ASCC1: variants seen among roughly 807,000 people sequenced by gnomAD.
ASCC1 encodes ASC-1 complex subunit P50.
A neutral mutation model predicts 46.6 loss-of-function variants in ASCC1; 35 were observed. That is an observed-to-expected ratio of 0.75 (90% CI 0.57 to 0.99). ASCC1 has a LOEUF of 0.99. Ranked by LOEUF, ASCC1 falls within the 50% of genes least tolerant of loss-of-function variation. ASCC1 has a pLI of 0.00. For synonymous variants in ASCC1, 143 were observed against 146.6 expected (o/e 0.98, Z 0.18); for missense variants, 376 against 428.7 (o/e 0.88, Z 1.09).
chr10:72,109,223 G>A (rs1299094380), intron 9 of ASCC1, among the ~76,000 whole-genome samples: 3 of 152,152 alleles, frequency 2.0e-5, no homozygotes, highest in Non-Finnish European at 4.4e-5. Flanking sequence ...TATCAACATC[G>A]TGGCCTCTAT....
In ASCC1 at chr10:72,208,639, A is replaced by T. The variant is rs576188065; in HGVS notation, c.212+2093T>A. On this transcript the variant is annotated intron_variant, in intron 3 of 9. Transcript: ENST00000672957. ...GCCAGGTGTAGTAGTGCAGGCCTGT[A>T]GTTCCAGCTACTCAGGAAGCTGATG... Among the ~76,000 whole-genome samples, 20 of 152,232 alleles carry T rather than the reference A, an allele frequency of 1.3e-4. No homozygotes were observed. In the South Asian group the frequency reaches 3.1e-3, roughly 24 times the overall value.
At chr10:72,108,710 G>A (rs1235170685) in intron 9 of ASCC1, among the ~76,000 whole-genome samples, 1 of 152,052 alleles carries the variant, frequency 6.6e-6, no homozygotes, top group Non-Finnish European at 1.5e-5. Flanking sequence ...CTTTAAACAG[G>A]GATGATCCTT....
intron 5 of ASCC1, among the ~76,000 whole-genome samples, chr10:72,166,520 A>G (rs1850367169): frequency 1.3e-5 from 2 of 151,540 alleles, no homozygotes; most frequent in African/African-American, 4.9e-5. Flanking sequence ...AACAAAACCC[A>G]CAATATCTGC....
chr10:72,112,538 C>T (rs1843027220), intron 9 of ASCC1, among the ~76,000 whole-genome samples: 1 of 151,080 alleles, frequency 6.6e-6, no homozygotes, highest in African/African-American at 2.4e-5. Context: ...CTGAATTGTA[C>T]ACTTAAAAAT....
chr10:72,151,453 G>A lies in ASCC1; in HGVS notation c.746+1416C>T, dbSNP rs113638458. Reference sequence around the variant, plus strand: ...CACACCTGGACCTGTTGTGGTGTGGGGGGCCGGGGGAGGGATAGCATTAAG... The same window carrying A: ...CACACCTGGACCTGTTGTGGTGTGGAGGGCCGGGGGAGGGATAGCATTAAG... On this transcript the variant is annotated intron_variant, in intron 7 of 9. Coordinates refer to ENST00000672957, the MANE Select transcript of ASCC1 (RefSeq NM_001198800.3). 1.0e-3 allele frequency among the ~76,000 whole-genome samples: 153 copies of A among 151,874 alleles called. 2 individuals are homozygous for A. The highest frequency in any genetic ancestry group is 3.6e-3 in the African/African-American group (147 of 41,364).
At chr10:72,194,122 G>C (rs1017988369) in intron 5 of ASCC1, among the ~76,000 whole-genome samples, 2 of 151,546 alleles carry the variant, frequency 1.3e-5, no homozygotes, top group Non-Finnish European at 2.9e-5. Context: ...CTGACCTCGT[G>C]ATCTGCCCGC....
intron 1 of ASCC1, among the ~76,000 whole-genome samples, chr10:72,215,442 G>C (rs1859029169): frequency 6.6e-6 from 1 of 152,174 alleles, no homozygotes; most frequent in South Asian, 2.1e-4. Context: ...TGCGCTTACA[G>C]AACCAAGAAG....
intron 9 of ASCC1, among the ~76,000 whole-genome samples, chr10:72,103,277 C>T (rs950544419): frequency 7.3e-5 from 11 of 151,606 alleles, no homozygotes; most frequent in South Asian, 2.1e-4. Flanking sequence ...GGACTACAGG[C>T]GCCTGCCACC....
intron 7 of ASCC1, among the ~76,000 whole-genome samples, chr10:72,138,212 C>A (rs998391224): frequency 6.6e-6 from 1 of 152,196 alleles, no homozygotes; most frequent in South Asian, 2.1e-4. Flanking sequence ...TAACCATGCA[C>A]CGCAAATTGC....
intron 1 of ASCC1, among the ~76,000 whole-genome samples, chr10:72,214,466 C>G (rs952283929): frequency 1.3e-5 from 2 of 149,658 alleles, no homozygotes; most frequent in Non-Finnish European, 3.0e-5. Context: ...ACCTCTGCCT[C>G]CCGGGTTTAA....
intron 7 of ASCC1, among the ~76,000 whole-genome samples, chr10:72,149,298 C>A (rs1453852675): frequency 6.6e-6 from 1 of 151,844 alleles, no homozygotes. Context: ...ATTAGCCAGG[C>A]GTGGTGGCGG....
intron 3 of ASCC1, among the ~76,000 whole-genome samples, chr10:72,210,319 C>T (rs975187190): frequency 3.9e-5 from 6 of 152,236 alleles, no homozygotes; most frequent in Middle Eastern, 6.8e-3. Context: ...GCCACCACAC[C>T]CGGCTAATTT....
At chr10:72,117,122 C>T (rs1174986326) in intron 9 of ASCC1, among the ~76,000 whole-genome samples, 1 of 152,122 alleles carries the variant, frequency 6.6e-6, no homozygotes, top group African/African-American at 2.4e-5. Context: ...AATTAAAAAA[C>T]AAATTTAAGC....
intron 9 of ASCC1, among the ~76,000 whole-genome samples, chr10:72,118,784 A>G (rs1239028265): frequency 6.6e-6 from 1 of 150,924 alleles, no homozygotes; most frequent in Non-Finnish European, 1.5e-5. Context: ...CGTCTCAAAA[A>G]AAAAAGAAAA....
At chr10:72,153,760 A>G (rs188865241) in intron 6 of ASCC1, among the ~76,000 whole-genome samples, 5 of 139,274 alleles carry the variant, frequency 3.6e-5, no homozygotes, top group African/African-American at 1.4e-4. Context: ...CAGTTTTGCT[A>G]GTCGCCCAGG....
In ASCC1 at chr10:72,203,543, A is replaced by C; in HGVS notation, c.213-19T>G. The C allele has an allele frequency of 6.5e-7, 1 of 1,534,512 alleles. No individual in the cohort carries two copies. Among genetic ancestry groups the C allele is most frequent in the South Asian group, 1.1e-5 (1 of 89,464 alleles). On this transcript the variant is annotated intron_variant, in intron 3 of 9. Transcript: ENST00000672957. ...TATATGCCTGTAACATAAAGTAATT[A>C]AAAGAAGATTAAGTCAAAATGTACC... is the stretch of plus-strand genomic sequence containing the variant.
In ASCC1 at chr10:72,151,618, G is replaced by A. The variant is rs573200863; in HGVS notation, c.746+1251C>T. 8.0e-4 allele frequency among the ~76,000 whole-genome samples: 122 copies of A among 152,112 alleles called. 1 individual carries two copies. In the Middle Eastern group the frequency reaches 0.01, roughly 13 times the overall value. On this transcript the variant is annotated intron_variant, in intron 7 of 9. Transcript: ENST00000672957. ...ATAAAAAAAAGAGTAAACATTTTTT[G>A]ATGTTTCGATAATGTAAGTCTGTGC... is the stretch of plus-strand genomic sequence containing the variant.
chr10:72,123,173 T>C (rs1844418727), intron 9 of ASCC1, among the ~76,000 whole-genome samples: 1 of 151,622 alleles, frequency 6.6e-6, no homozygotes, highest in Admixed American at 6.6e-5. Context: ...CCGACTCTAC[T>C]AAAAATACAA....
chr10:72,130,580 C>A (rs1176699925), intron 8 of ASCC1, among the ~76,000 whole-genome samples: 2 of 152,090 alleles, frequency 1.3e-5, no homozygotes, highest in African/African-American at 2.4e-5. Flanking sequence ...TAATGATGGA[C>A]CATGACATAG....
Sources: allele counts gnomAD v4.1 joint callset (sites outside exome capture counted in the v4.1 genomes callset), GRCh38; gene constraint gnomAD v4.1.1; transcripts MANE v1.5; gene names NCBI Gene and HGNC (gene_info 2026-07-23, HGNC 2026-07-21).